Variants in CDH18 observed in about 807,000 individuals in gnomAD.
The protein encoded by CDH18 is cadherin-18.
CDH18 carries 31 observed loss-of-function variants against 67.9 expected under a neutral mutation model. That is an observed-to-expected ratio of 0.46 (90% CI 0.34 to 0.62). The LOEUF (loss-of-function observed/expected upper bound fraction) is 0.62, where lower values mean the gene tolerates loss of function less well. Among genes scored for constraint, CDH18 ranks in the 20% least tolerant of loss-of-function variants. The pLI, the probability that CDH18 is intolerant of heterozygous loss-of-function variation, is 0.01. For synonymous variants in CDH18, 362 were observed against 347.2 expected (o/e 1.04, Z -0.48); for missense variants, 890 against 975.5 (o/e 0.91, Z 1.17).
intron 2 of CDH18, among the ~76,000 whole-genome samples, chr5:20,172,200 A>ATATATATATATATATACATATG (rs1736795468): frequency 2.7e-5 from 1 of 36,380 alleles, no homozygotes; most frequent in Admixed American, 2.8e-4. Flanking sequence ...GTATATATAT[A>ATATATATATATATATACATATG]TATATATATA....
At chr5:19,753,596 A>G (rs1771138549) in intron 3 of CDH18, among the ~76,000 whole-genome samples, 1 of 152,222 alleles carries the variant, frequency 6.6e-6, no homozygotes, top group Admixed American at 6.5e-5. Context: ...TTTGGAAAAC[A>G]TATCTGGGGG....
intron 2 of CDH18, among the ~76,000 whole-genome samples, chr5:19,947,585 C>CAAAAAAAAAAAAA (rs35601486): frequency 1.9e-5 from 1 of 53,294 alleles, no homozygotes; most frequent in Non-Finnish European, 4.4e-5. Flanking sequence ...TACTAAAATA[C>CAAAAAAAAAAAAA]AAAAAAAAAA....
rs76380761 is a variant in CDH18 at position 20,205,445 on chromosome 5, C to A, written c.-518+49999G>T. Among the ~76,000 whole-genome samples, 961 of 151,930 alleles carry A rather than the reference C, an allele frequency of 6.3e-3. 28 individuals are homozygous for A. The highest frequency in any genetic ancestry group is 0.048 in the East Asian group (248 of 5,166). On this transcript the variant is annotated intron_variant, in intron 2 of 14. Coordinates refer to the CDH18 transcript ENST00000507958. ...ATATTATAGTAGTAAGGGACTTCAA[C>A]ACCCCACTGTCAGTAATGGACAATT...
intron 9 of CDH18, among the ~76,000 whole-genome samples, chr5:19,531,106 A>G (rs540905721): frequency 5.3e-4 from 80 of 152,178 alleles, no homozygotes; most frequent in Non-Finnish European, 9.1e-4. Context: ...TCCACCTCCA[A>G]TAAATTGTAA....
At chr5:19,589,407 T>C (rs1744726785) in intron 7 of CDH18, among the ~76,000 whole-genome samples, 1 of 152,092 alleles carries the variant, frequency 6.6e-6, no homozygotes, top group Non-Finnish European at 1.5e-5. Flanking sequence ...AGATTAATCT[T>C]TTAGAAAAAA....
intron 1 of CDH18, among the ~76,000 whole-genome samples, chr5:20,552,177 TA>T (rs536817145): frequency 0.027 from 3,837 of 143,788 alleles, 78 homozygotes; most frequent in African/African-American, 0.056. Flanking sequence ...TTGGTTTCAT[TA>T]AAAAAAAAAA....
At chr5:20,214,669 T>C (rs1740618039) in intron 2 of CDH18, among the ~76,000 whole-genome samples, 1 of 151,592 alleles carries the variant, frequency 6.6e-6, no homozygotes, top group South Asian at 2.1e-4. Context: ...ACCCCTTTCT[T>C]AAACCATATA....
rs1194745661 is a variant in CDH18, at chr5:19,691,498, A to T, written c.643+29849T>A. 2.0e-5 allele frequency among the ~76,000 whole-genome samples: 3 copies of T among 151,842 alleles called. No individual in the cohort carries two copies. In the South Asian group the frequency reaches 6.3e-4, roughly 32 times the overall value. The stretch of plus-strand genomic sequence containing the variant: ...ATCTTATATTTAGAAACACTTGAAG[A>T]TTCTTCTAAGAAACACTTAGGCCAG... On this transcript the variant is annotated intron_variant, in intron 5 of 12. Transcript: ENST00000382275.
chr5:19,838,052 T>C (rs1199161159), intron 3 of CDH18, among the ~76,000 whole-genome samples: 1 of 152,180 alleles, frequency 6.6e-6, no homozygotes, highest in Non-Finnish European at 1.5e-5. Flanking sequence ...AGTTTTCGTG[T>C]CTGCATTTTT....
At position 19,630,355 on chromosome 5, in the gene CDH18, T is replaced by C. The variant is rs532192881; in HGVS notation, c.644-17754A>G. ...ATGTGGCCCTTCCTTTGTTAATCTA[T>C]ATCCTATGTGAACTAATATCTGATA... On this transcript the variant is annotated intron_variant, in intron 5 of 12. Coordinates refer to ENST00000382275, the MANE Select transcript of CDH18 (RefSeq NM_004934.5). 7.9e-5 allele frequency among the ~76,000 whole-genome samples: 12 copies of C among 152,348 alleles called. No individual in the cohort carries two copies. In the South Asian group the frequency reaches 2.5e-3, roughly 32 times the overall value.
intron 2 of CDH18, among the ~76,000 whole-genome samples, chr5:20,113,170 G>C (rs1231000997): frequency 6.6e-6 from 1 of 151,886 alleles, no homozygotes; most frequent in African/African-American, 2.4e-5. Context: ...TTTCATTCTG[G>C]GAAATACTGA....
intron 2 of CDH18, among the ~76,000 whole-genome samples, chr5:20,240,095 C>T (rs561949842): frequency 3.3e-4 from 50 of 151,640 alleles, no homozygotes; most frequent in African/African-American, 1.1e-3. Flanking sequence ...CAAACCAACA[C>T]GGCACACGTA....
chr5:20,426,344 A>G lies in CDH18; in HGVS notation c.-580+149118T>C, dbSNP rs1171681054. ...CAGGAAAAGACACTTTATGAGTGCA[A>G]TGAAAAACTACTAGAGGATTCTTGA... On this transcript the variant is annotated intron_variant, in intron 1 of 14. Coordinates refer to the CDH18 transcript ENST00000507958. Among the ~76,000 whole-genome samples the G allele has an allele frequency of 2.6e-5, 4 of 151,258 alleles. 1 individual carries two copies. Among genetic ancestry groups the G allele is most frequent in the African/African-American group, 7.4e-5 (3 of 40,544 alleles).
chr5:19,605,699 T>C (rs372637199), intron 6 of CDH18, among the ~76,000 whole-genome samples: 13 of 152,074 alleles, frequency 8.5e-5, no homozygotes, highest in African/African-American at 3.1e-4. Context: ...CAGGATGGAG[T>C]ATGATTCTTG....
At chr5:20,553,523 A>T (rs1004518229) in intron 1 of CDH18, among the ~76,000 whole-genome samples, 6 of 152,320 alleles carry the variant, frequency 3.9e-5, no homozygotes, top group African/African-American at 9.6e-5. Flanking sequence ...TACCATGAAG[A>T]TGAAAACTCC....
At chr5:20,414,249 T>C (rs890024642) in intron 1 of CDH18, among the ~76,000 whole-genome samples, 1 of 152,008 alleles carries the variant, frequency 6.6e-6, no homozygotes, top group Non-Finnish European at 1.5e-5. Flanking sequence ...CGTAGCACTA[T>C]TCACAATAGT....
At chr5:19,771,892 T>G (rs1773775311) in intron 3 of CDH18, among the ~76,000 whole-genome samples, 1 of 152,202 alleles carries the variant, frequency 6.6e-6, no homozygotes, top group Admixed American at 6.5e-5. Context: ...GGACAGTTTA[T>G]AAAGTTTTCA....
rs1778687018 is a variant in CDH18, at chr5:19,811,158, GAAGGA to G, written c.228+27596_228+27600del. On this transcript the variant is annotated intron_variant, in intron 3 of 12. Transcript: ENST00000382275. ...AGAAAGAAAGAAAGAAAGAAAGAAA[GAAGGA>G]GAGAAAGAAAGAGAAGAAAGAGGGA... Among the ~76,000 whole-genome samples, 8 of 18,520 alleles carry G rather than the reference GAAGGA, an allele frequency of 4.3e-4. No homozygotes were observed. In the Admixed American group the frequency reaches 4.9e-3, roughly 11 times the overall value. 12.1% of individuals were successfully genotyped at this position (18,520 alleles called of 152,430 possible). A position where few individuals can be genotyped will look rare whatever the true frequency, so the allele number is the denominator to read the frequency against.
intron 1 of CDH18, among the ~76,000 whole-genome samples, chr5:20,287,092 C>T (rs542198454): frequency 2.6e-5 from 4 of 151,868 alleles, no homozygotes; most frequent in African/African-American, 9.6e-5. Flanking sequence ...ATTGGCTTAT[C>T]ATTTTCGTGC....
Sources: allele counts gnomAD v4.1 joint callset (sites outside exome capture counted in the v4.1 genomes callset), GRCh38; gene constraint gnomAD v4.1.1; transcripts MANE v1.5; gene names NCBI Gene and HGNC (gene_info 2026-07-23, HGNC 2026-07-21).